IGF2: variants seen among roughly 807,000 people sequenced by gnomAD.
IGF2 encodes the protein insulin-like growth factor 2.
A neutral mutation model predicts 12.0 loss-of-function variants in IGF2; 2 were observed. The observed-to-expected ratio is 0.17, with a 90% CI of 0.07 to 0.52. IGF2 has a LOEUF of 0.52. IGF2 is among the 20% of genes least tolerant of loss of function. The pLI, the probability that IGF2 is intolerant of heterozygous loss-of-function variation, is 0.95. For synonymous variants in IGF2, 105 were observed against 110.1 expected (o/e 0.95, Z 0.29); for missense variants, 211 against 268.0 (o/e 0.79, Z 1.48).
upstream of IGF2, among the ~76,000 whole-genome samples, chr11:2,139,576 C>G (rs867432291): frequency 4.8e-4 from 46 of 96,524 alleles, no homozygotes; most frequent in African/African-American, 5.4e-4. Context: ...CCTGGGGCCC[C>G]GGGGGGGGGG....
In IGF2 at chr11:2,131,355, T is replaced by G. The variant is rs1858534055; in HGVS notation, c.*1632A>C. On this transcript the variant is annotated 3_prime_UTR_variant, in exon 4 of 4. Transcript: ENST00000416167. ...ACATTGGAGAATCTTAGCGGGACTT[T>G]GGCCTGATCCATACAGATATCGTAG... is the stretch of plus-strand genomic sequence containing the variant. The G allele has an allele frequency of 4.3e-6, 1 of 233,278 alleles. No homozygotes were observed. The highest frequency in any genetic ancestry group is 8.5e-6 in the Non-Finnish European group (1 of 118,110). The allele number at this position is 233,278 out of a possible 1,614,324, so 14.5% of individuals were successfully genotyped here.
the IGF2 span, chr11:2,146,241 C>G: frequency 5.6e-6 from 3 of 531,754 alleles, no homozygotes; most frequent in South Asian, 1.4e-5. Context: ...CATTTCCTCC[C>G]CAGCTCTGGC....
the IGF2 span, chr11:2,147,905 C>T: frequency 1.1e-6 from 1 of 947,586 alleles, no homozygotes; most frequent in Non-Finnish European, 1.4e-6. The surrounding 1 kb of genome is among the most constrained non-coding windows in gnomAD (Gnocchi z 7.2). Flanking sequence ...CCATCCCCCT[C>T]CCCGGGTTCC....
upstream of IGF2, among the ~76,000 whole-genome samples, chr11:2,145,859 C>A (rs967604448): frequency 1.3e-5 from 2 of 152,082 alleles, no homozygotes; most frequent in Non-Finnish European, 2.9e-5. Flanking sequence ...CACCGGCTCC[C>A]CTCTAGTCAA....
intron 2 of IGF2, 97 bp downstream of exon 2, chr11:2,135,270 G>T: frequency 8.7e-7 from 1 of 1,156,048 alleles, no homozygotes; most frequent in South Asian, 1.6e-5. Context: ...CTGGGCTGCT[G>T]ACCTAGGAGT....
rs1858766115 is a variant in IGF2 at position 2,133,484 on chromosome 11, C to T, written c.306+33G>A. ...CGCCCGAAGCCCTATTTCTCTGTCT[C>T]TAGAGAGTGGGAAAGGGGCCCAGGA... is the stretch of plus-strand genomic sequence containing the variant. On this transcript the variant is annotated intron_variant, in intron 3 of 3. Coordinates refer to ENST00000416167, the MANE Select transcript of IGF2 (RefSeq NM_000612.6). The surrounding 1 kb of genome is among the most constrained non-coding windows in gnomAD (Gnocchi z 8.9). 6.3e-7 allele frequency: 1 copy of T among 1,597,496 alleles called. No homozygotes were observed. Among genetic ancestry groups the T allele is most frequent in the Non-Finnish European group, 8.5e-7 (1 of 1,172,448 alleles).
upstream of IGF2, chr11:2,140,584 C>A (rs1246003721): frequency 1.2e-5 from 6 of 500,772 alleles, no homozygotes; most frequent in African/African-American, 8.2e-5. Flanking sequence ...TCGCCCCAGC[C>A]CCCTGCCCGC....
At position 2,138,905 on chromosome 11, in the gene IGF2, C is replaced by T. The variant is rs929883586; in HGVS notation, c.-683G>A. On this transcript the variant is annotated 5_prime_UTR_variant, in exon 1 of 4. Transcript: ENST00000416167. The stretch of plus-strand genomic sequence containing the variant: ...GTGGAGGCTGCACCCGGACCGCGGG[C>T]GCCCAGCTCGGTTTGGGCCGACGGA... 2.0e-6 allele frequency: 2 copies of T among 984,702 alleles called. No homozygotes were observed. Among genetic ancestry groups the T allele is most frequent in the Non-Finnish European group, 2.4e-6 (2 of 829,578 alleles). The allele number at this position is 984,702 out of a possible 1,614,324, so 61.0% of individuals were successfully genotyped here.
the IGF2 span, chr11:2,148,712 G>A: frequency 5.1e-6 from 1 of 195,514 alleles, no homozygotes; most frequent in South Asian, 1.3e-4. This position sits in a 1 kb window ranked among gnomAD's most constrained non-coding sequence, Gnocchi z 4.3. Context: ...TTGTCTCTGG[G>A]AATGGGATGG....
chr11:2,148,904 G>A, the IGF2 span: 2 of 591,670 alleles, frequency 3.4e-6, no homozygotes, highest in Non-Finnish European at 6.0e-6. This position sits in a 1 kb window ranked among gnomAD's most constrained non-coding sequence, Gnocchi z 4.3. Context: ...GCTTTGTGCA[G>A]CCCTAAAGGA....
At chr11:2,147,524 G>T in the IGF2 span, 3 of 880,706 alleles carry the variant, frequency 3.4e-6, no homozygotes, top group Non-Finnish European at 4.5e-6. This position sits in a 1 kb window ranked among gnomAD's most constrained non-coding sequence, Gnocchi z 7.2. Flanking sequence ...CGCAGAGCCT[G>T]TGGCCCTCTC....
At chr11:2,136,843 G>A (rs962111611) in intron 1 of IGF2, among the ~76,000 whole-genome samples, 2 of 152,200 alleles carry the variant, frequency 1.3e-5, no homozygotes, top group Admixed American at 1.3e-4. Context: ...CCGCGCTTCC[G>A]CAACAAGCCC....
Position 2,133,525 on chromosome 11 carries a change from C to T in IGF2, c.298G>A (p.Val100Met). Reference sequence around the variant, plus strand: ...GGGCCCAGGACCCTCACCGGAAGCACGGTCGGAGGGGTCGACACGTCCCTC... The same window carrying T: ...GGGCCCAGGACCCTCACCGGAAGCATGGTCGGAGGGGTCGACACGTCCCTC... ...SERDVSTPPT[V>M]LPDNFPRYPV... Residue 100 changes from valine to methionine, a missense_variant, in exon 3 of 4, where the codon GTG (valine) becomes ATG (methionine). By Grantham distance (21) the Val-to-Met change is conservative. Transcript: ENST00000416167. This position sits in a 1 kb window ranked among gnomAD's most constrained non-coding sequence, Gnocchi z 8.9. 6.2e-7 allele frequency: 1 copy of T among 1,611,166 alleles called. No individual in the cohort carries two copies. Among genetic ancestry groups the T allele is most frequent in the Non-Finnish European group, 8.5e-7 (1 of 1,179,036 alleles).
chr11:2,137,933 C>G (rs545270563), intron 1 of IGF2, among the ~76,000 whole-genome samples: 1 of 152,184 alleles, frequency 6.6e-6, no homozygotes, highest in South Asian at 2.1e-4. Context: ...ACCCCCTGCA[C>G]CCACAGACCG....
intron 1 of IGF2, among the ~76,000 whole-genome samples, chr11:2,137,532 G>A (rs567345759): frequency 0.017 from 2,310 of 136,100 alleles, 24 homozygotes; most frequent in Non-Finnish European, 0.022. Flanking sequence ...GCAGTGAAGG[G>A]GGGGGGGGTC....
At chr11:2,147,907 C>T in the IGF2 span, 6 of 945,040 alleles carry the variant, frequency 6.3e-6, no homozygotes, top group Non-Finnish European at 5.5e-6. This position sits in a 1 kb window ranked among gnomAD's most constrained non-coding sequence, Gnocchi z 7.2. Flanking sequence ...ATCCCCCTCC[C>T]CGGGTTCCTT....
At position 2,138,317 on chromosome 11, in the gene IGF2, G is replaced by A; in HGVS notation, c.-95C>T. 4 of 983,590 alleles carry A rather than the reference G, an allele frequency of 4.1e-6. No individual in the cohort carries two copies. The highest frequency in any genetic ancestry group is 4.8e-6 in the Non-Finnish European group (4 of 829,258). 60.9% of individuals were successfully genotyped at this position (983,590 alleles called of 1,614,324 possible). Reference sequence around the variant, plus strand: ...TGGCCCTCCTGCCGGACACTCCTCTGCCAGCGCCGCTCTGGCCGAGTCGCG... The same window carrying A: ...TGGCCCTCCTGCCGGACACTCCTCTACCAGCGCCGCTCTGGCCGAGTCGCG... On this transcript the variant is annotated 5_prime_UTR_variant, in exon 1 of 4. Transcript: ENST00000416167.
upstream of IGF2, chr11:2,140,017 G>T: frequency 1.0e-6 from 1 of 984,178 alleles, no homozygotes; most frequent in Non-Finnish European, 1.4e-6. Flanking sequence ...CCCGCCAGGT[G>T]CGGGACGCGC....
At chr11:2,142,748 C>T (rs1013502316), upstream of IGF2, among the ~76,000 whole-genome samples, 13 of 152,156 alleles carry the variant, frequency 8.5e-5, no homozygotes, top group Non-Finnish European at 1.8e-4. This position sits in a 1 kb window ranked among gnomAD's most constrained non-coding sequence, Gnocchi z 5.7. Context: ...AGAAAGTGCT[C>T]GGAATGTTTG....
Sources: allele counts gnomAD v4.1 joint callset (sites outside exome capture counted in the v4.1 genomes callset), GRCh38; gene constraint gnomAD v4.1.1; non-coding constraint Gnocchi (gnomAD v3.1); transcripts MANE v1.5; gene names NCBI Gene and HGNC (gene_info 2026-07-23, HGNC 2026-07-21).